Variants in ERICH1 observed in about 807,000 individuals in gnomAD.
ERICH1 encodes the protein glutamate-rich protein 1.
A neutral mutation model predicts 39.6 loss-of-function variants in ERICH1; 56 were observed. The observed-to-expected ratio is 1.41, with a 90% CI of 1.14 to 1.77. The LOEUF is 1.77. ERICH1 is among the 40% of genes most tolerant of loss of function. ERICH1 has a pLI of 0.00. For missense variants in ERICH1, 826 were observed against 575.4 expected (o/e 1.44, Z -4.45); for synonymous variants, 313 against 223.6 (o/e 1.40, Z -3.57).
chr8:657,734 A>G (rs1446879799), intron 3 of ERICH1, among the ~76,000 whole-genome samples: 2 of 151,978 alleles, frequency 1.3e-5, no homozygotes, highest in Non-Finnish European at 2.9e-5. Flanking sequence ...TTAGAATGAT[A>G]TAAATGTCAT....
chr8:626,815 T>C (rs1017703110), intron 3 of ERICH1: 4 of 244,284 alleles, frequency 1.6e-5, no homozygotes, highest in African/African-American at 6.6e-5. Context: ...CTGATTTATA[T>C]CACATCATGG....
At chr8:633,703 G>C (rs1235995957) in intron 3 of ERICH1, among the ~76,000 whole-genome samples, 7 of 152,228 alleles carry the variant, frequency 4.6e-5, no homozygotes, top group Admixed American at 2.0e-4. Flanking sequence ...CAAGGGAACA[G>C]AGGCGAGGAC....
chr8:626,489 T>C (rs150789197), intron 3 of ERICH1: 2 of 153,430 alleles, frequency 1.3e-5, no homozygotes, highest in Non-Finnish European at 2.9e-5. Context: ...ACTAATAACA[T>C]GGTGCCCAGT....
intron 1 of ERICH1, among the ~76,000 whole-genome samples, chr8:730,838 G>A (rs1819815918): frequency 6.6e-6 from 1 of 152,202 alleles, no homozygotes. Context: ...ACCAACAGGG[G>A]CTCTGCTAAG....
At chr8:671,427 C>T (rs551592417) in intron 4 of ERICH1, among the ~76,000 whole-genome samples, 10 of 142,522 alleles carry the variant, frequency 7.0e-5, no homozygotes, top group Admixed American at 3.6e-4. Context: ...CTGAACCTGC[C>T]GGCCCCGGCT....
rs781575208 is a variant in ERICH1, at chr8:692,619, C to T, written c.170-7G>A. 8.9e-6 allele frequency: 14 copies of T among 1,569,952 alleles called. No individual in the cohort carries two copies. The East Asian group carries it at 2.1e-4, about 23-fold the overall frequency. On this transcript the variant is annotated splice_region_variant and splice_polypyrimidine_tract_variant and intron_variant, in intron 2 of 5. Transcript: ENST00000262109. ...GGGGTCTCAGAGCCAGTGTCTGCAA[C>T]ACAGGAGGAAAATAACAGGAACTGG...
chr8:699,803 GCGCACAGATCCGCACAA>G (rs1423916818), intron 2 of ERICH1, among the ~76,000 whole-genome samples: 7 of 64,588 alleles, frequency 1.1e-4, no homozygotes, highest in Non-Finnish European at 1.5e-4. Context: ...ACCCGCACAC[GCGCACAGATCCGCACAA>G]GCGCACAGAC....
chr8:615,432 A>T (rs550393941), intron 3 of ERICH1: 2 of 508,782 alleles, frequency 3.9e-6, no homozygotes, highest in East Asian at 6.4e-5. Context: ...AAACAGAACA[A>T]TGATCAAAGC....
At chr8:644,660 G>A (rs1799382670) in intron 3 of ERICH1, among the ~76,000 whole-genome samples, 1 of 68,698 alleles carries the variant, frequency 1.5e-5, no homozygotes, top group Admixed American at 1.3e-4. Flanking sequence ...GTGGTGTTCA[G>A]GGCGCAGCTG....
intron 3 of ERICH1, among the ~76,000 whole-genome samples, chr8:680,074 G>A (rs1267624251): frequency 6.0e-5 from 6 of 100,582 alleles, no homozygotes; most frequent in African/African-American, 2.5e-4. Flanking sequence ...AGATGCAAGA[G>A]AATCCACAGC....
chr8:715,969 C>T lies in ERICH1; in HGVS notation c.61G>A (p.Val21Ile), dbSNP rs1815875504. 5 of 1,613,340 alleles carry T rather than the reference C, an allele frequency of 3.1e-6. No individual in the cohort carries two copies. In the Admixed American group the frequency reaches 8.4e-5, roughly 27 times the overall value. The change falls in exon 2 of 6, where the codon GTT (valine) becomes ATT (isoleucine). Residue 21 changes from valine to isoleucine, a missense_variant. Val to Ile is a conservative substitution (Grantham distance 29). Transcript: ENST00000262109. Reference sequence around the variant, plus strand: ...TCCCTCTTTCCTTGGCCACTTGGAACAGGAGGAAAAAGTCTCTGCAGCACC... The same window carrying T: ...TCCCTCTTTCCTTGGCCACTTGGAATAGGAGGAAAAAGTCTCTGCAGCACC... The part of the protein sequence containing the change: ...EKVLQRLFPP[V>I]PSGQGKREPQ...
At chr8:710,463 G>C in intron 2 of ERICH1, among the ~76,000 whole-genome samples, 1 of 146,610 alleles carries the variant, frequency 6.8e-6, no homozygotes, top group Non-Finnish European at 1.5e-5. Context: ...AAGTCCTCTG[G>C]GCTCCACCTG....
intron 3 of ERICH1, among the ~76,000 whole-genome samples, chr8:621,988 G>T (rs1240361336): frequency 1.3e-5 from 2 of 152,216 alleles, no homozygotes; most frequent in Non-Finnish European, 2.9e-5. Context: ...GCCAAGGCAT[G>T]ACGATCCCTT....
chr8:729,446 G>A (rs1819513932), intron 1 of ERICH1, among the ~76,000 whole-genome samples: 1 of 152,224 alleles, frequency 6.6e-6, no homozygotes, highest in Admixed American at 6.5e-5. Context: ...GAAGGGAAAT[G>A]CTCTGAAGAA....
chr8:700,239 GC>G (rs1811645080), intron 2 of ERICH1, among the ~76,000 whole-genome samples: 2 of 59,258 alleles, frequency 3.4e-5, no homozygotes, highest in African/African-American at 1.1e-4. Context: ...GCACAGGCCC[GC>G]ACAGGCCCGC....
chr8:641,698 G>C (rs375543291), intron 3 of ERICH1, among the ~76,000 whole-genome samples: 76 of 152,312 alleles, frequency 5.0e-4, no homozygotes, highest in African/African-American at 1.7e-3. Flanking sequence ...CGCTGGCAGC[G>C]GAGCTCCTCC....
chr8:658,261 C>T (rs1049634368), intron 3 of ERICH1, among the ~76,000 whole-genome samples: 7 of 152,230 alleles, frequency 4.6e-5, no homozygotes, highest in African/African-American at 1.7e-4. Context: ...TCATTTGCCC[C>T]CAGGTGACTG....
In ERICH1 at chr8:650,167, C is replaced by A. The variant is rs969785531; in HGVS notation, c.976+18431G>T. Among the ~76,000 whole-genome samples, 2 of 152,332 alleles carry A rather than the reference C, an allele frequency of 1.3e-5. 1 individual carries two copies. Among genetic ancestry groups the A allele is most frequent in the South Asian group, 4.1e-4 (2 of 4,830 alleles). On this transcript the variant is annotated intron_variant, in intron 3 of 3. Coordinates refer to the ERICH1 transcript ENST00000522706. ...GAGGGCGCTTGCGTGTCCGGCACAG[C>A]GTGGAGCCCGCGTTCCTCTCTGCAC...
rs1035123495 is a variant in ERICH1, at chr8:692,597, G to T, written c.185C>A (p.Thr62Asn). The T allele has an allele frequency of 1.2e-6, 2 of 1,601,810 alleles. No individual in the cohort carries two copies. Among genetic ancestry groups the T allele is most frequent in the Non-Finnish European group, 1.7e-6 (2 of 1,173,084 alleles). Residue 62 changes from threonine (T) to asparagine (N), a missense_variant, in exon 3 of 6, where the codon ACC becomes AAC. Thr to Asn is a moderately conservative substitution (Grantham distance 65, BLOSUM62 0). Coordinates refer to ENST00000262109, the MANE Select transcript of ERICH1 (RefSeq NM_207332.3). ...AGTGTAGAGCCGTCGGGCAGTCGGG[G>T]TCTCAGAGCCAGTGTCTGCAACACA... ...AEPLTDTGSE[T>N]PTARRLYTAS... is the part of the protein sequence containing the mutation.
Sources: allele counts gnomAD v4.1 joint callset (sites outside exome capture counted in the v4.1 genomes callset), GRCh38; gene constraint gnomAD v4.1.1; transcripts MANE v1.5; gene names NCBI Gene and HGNC (gene_info 2026-07-23, HGNC 2026-07-21).